Variants in C20orf203 observed in about 807,000 individuals in gnomAD.
The protein encoded by C20orf203 is uncharacterized protein C20orf203.
A neutral mutation model predicts 15.9 loss-of-function variants in C20orf203; 16 were observed. The ratio of observed to expected loss-of-function variants is 1.01; its 90% CI spans 0.68 to 1.53. The LOEUF is 1.53. Among genes scored for constraint, C20orf203 ranks in the 40% most tolerant of loss-of-function variants. The pLI is 0.00. For missense variants in C20orf203, 263 were observed against 247.5 expected, an observed-to-expected ratio of 1.06 and a Z score of -0.42; for synonymous variants, 98 against 97.2, an observed-to-expected ratio of 1.01 and a Z score of -0.05.
intron 1 of C20orf203, among the ~76,000 whole-genome samples, chr20:32,663,560 G>C (rs567331751): frequency 6.6e-6 from 1 of 152,194 alleles, no homozygotes; most frequent in African/African-American, 2.4e-5. Flanking sequence ...TACCTCCGGG[G>C]AGTGGGATGA....
intron 1 of C20orf203, among the ~76,000 whole-genome samples, chr20:32,658,441 T>C (rs1982814915): frequency 6.6e-6 from 1 of 151,372 alleles, no homozygotes; most frequent in East Asian, 1.9e-4. Flanking sequence ...AGATGTACAC[T>C]ACCATGCCCA....
chr20:32,671,892 G>A (rs1344475002), intron 1 of C20orf203, among the ~76,000 whole-genome samples: 3 of 151,372 alleles, frequency 2.0e-5, no homozygotes, highest in Non-Finnish European at 4.4e-5. Context: ...GGTTGCCAGG[G>A]GCTGAGGGGG....
At chr20:32,635,951 G>A (rs1446302260) in intron 5 of C20orf203, among the ~76,000 whole-genome samples, 7 of 152,092 alleles carry the variant, frequency 4.6e-5, no homozygotes, top group South Asian at 2.1e-4. Context: ...CTCCCATCCC[G>A]TGTACAGTGA....
chr20:32,634,450 C>T (rs893202919), intron 5 of C20orf203, among the ~76,000 whole-genome samples, 180 bp from the exon 6 acceptor site: 2 of 152,112 alleles, frequency 1.3e-5, no homozygotes, highest in African/African-American at 4.8e-5. Flanking sequence ...AGCCCAGCAC[C>T]CTCCCGAGTA....
chr20:32,665,183 T>TG (rs1413758887), intron 1 of C20orf203, among the ~76,000 whole-genome samples: 1 of 152,162 alleles, frequency 6.6e-6, no homozygotes, highest in Non-Finnish European at 1.5e-5. Flanking sequence ...TGATGGCCCG[T>TG]GGGTTCTGCT....
chr20:32,641,233 GCTGAGGTGGAAGGATCACTTGAGC>G (rs1417842005), intron 4 of C20orf203, among the ~76,000 whole-genome samples: 2 of 151,498 alleles, frequency 1.3e-5, no homozygotes, highest in Non-Finnish European at 2.9e-5. Flanking sequence ...TACTAGGGAG[GCTGAGGTGGAAGGATCACTTGAGC>G]CTGAGGGTTT....
chr20:32,663,189 C>A (rs1433972088), intron 1 of C20orf203, among the ~76,000 whole-genome samples: 2 of 151,870 alleles, frequency 1.3e-5, no homozygotes, highest in African/African-American at 4.8e-5. Flanking sequence ...ACCTTGTGAT[C>A]CACCCACCTC....
At chr20:32,664,487 C>A (rs929897578) in intron 1 of C20orf203, among the ~76,000 whole-genome samples, 1 of 152,234 alleles carries the variant, frequency 6.6e-6, no homozygotes, top group Non-Finnish European at 1.5e-5. Context: ...GTCCTGGAAG[C>A]TCCTGCCCTC....
At position 32,650,350 on chromosome 20, in the gene C20orf203, G is replaced by T; in HGVS notation, c.*82C>A. On this transcript the variant is annotated 3_prime_UTR_variant, in exon 4 of 6. Transcript: ENST00000608990. ...GGGGAGCAGAATGATTGTGGGGGGT[G>T]GTAACAGGGGACACCCTGAGGTGGT... 1.0e-6 allele frequency: 1 copy of T among 975,716 alleles called. No homozygotes were observed. The highest frequency in any genetic ancestry group is 1.5e-6 in the Non-Finnish European group (1 of 646,580). The allele number at this position is 975,716 out of a possible 1,614,324, so 60.4% of individuals were successfully genotyped here.
At chr20:32,669,781 C>A (rs1389925155) in intron 1 of C20orf203, among the ~76,000 whole-genome samples, 1 of 151,976 alleles carries the variant, frequency 6.6e-6, no homozygotes, top group Non-Finnish European at 1.5e-5. Context: ...AAAGCACAGG[C>A]AAGAAAAGCA....
intron 5 of C20orf203, among the ~76,000 whole-genome samples, chr20:32,634,993 A>T: frequency 6.6e-6 from 1 of 151,554 alleles, no homozygotes; most frequent in East Asian, 1.9e-4. Flanking sequence ...TGAGGCCAGG[A>T]ATTTGAGACC....
intron 4 of C20orf203, among the ~76,000 whole-genome samples, chr20:32,642,509 C>T (rs911033083): frequency 4.6e-5 from 7 of 152,232 alleles, no homozygotes; most frequent in Admixed American, 6.5e-5. Flanking sequence ...ACTTTTGGCG[C>T]GGCGAGAGGC....
chr20:32,659,663 CCTT>C (rs1279340882), intron 1 of C20orf203, among the ~76,000 whole-genome samples: 3 of 152,188 alleles, frequency 2.0e-5, no homozygotes, highest in Admixed American at 6.5e-5. Context: ...AGGAAGGGTG[CCTT>C]CCCTCATTTC....
At chr20:32,673,063 T>C (rs2145685679) in intron 1 of C20orf203, among the ~76,000 whole-genome samples, 1 of 152,064 alleles carries the variant, frequency 6.6e-6, no homozygotes, top group African/African-American at 2.4e-5. Flanking sequence ...GACCCAAGAC[T>C]CCTTGGTAGT....
Position 32,633,467 on chromosome 20 carries a change from C to T in C20orf203, c.*2103G>A, listed in dbSNP as rs1982055413. 6.6e-6 allele frequency: 1 copy of T among 152,242 alleles called. No individual in the cohort carries two copies. The highest frequency in any genetic ancestry group is 2.1e-4 in the South Asian group (1 of 4,828). 9.4% of individuals were successfully genotyped at this position (152,242 alleles called of 1,614,324 possible). ...ACAGATAGAACTTGTGACAGGCGAA[C>T]TGGGGTCAGATCTCAGCAGCAGGGC... is the stretch of plus-strand genomic sequence containing the variant. On this transcript the variant is annotated 3_prime_UTR_variant, in exon 6 of 6. Coordinates refer to ENST00000608990, the MANE Select transcript of C20orf203 (RefSeq NM_182584.4).
chr20:32,636,216 T>C (rs1982134851), intron 5 of C20orf203, among the ~76,000 whole-genome samples: 1 of 152,230 alleles, frequency 6.6e-6, no homozygotes, highest in Non-Finnish European at 1.5e-5. Flanking sequence ...TTTATTTCTA[T>C]TTGTTTCCCG....
intron 1 of C20orf203, among the ~76,000 whole-genome samples, chr20:32,653,570 G>A (rs1357561152): frequency 6.6e-6 from 1 of 152,130 alleles, no homozygotes; most frequent in Non-Finnish European, 1.5e-5. Flanking sequence ...CAATCTTTCG[G>A]GGAGTTCTAA....
At chr20:32,662,956 T>TTTG (rs1312620555) in intron 1 of C20orf203, among the ~76,000 whole-genome samples, 1 of 148,744 alleles carries the variant, frequency 6.7e-6, no homozygotes, top group African/African-American at 2.5e-5. Context: ...AATATAGTTT[T>TTTG]TTTTTTTTTT....
At chr20:32,638,470 C>T (rs1365090302) in intron 5 of C20orf203, among the ~76,000 whole-genome samples, 1 of 152,156 alleles carries the variant, frequency 6.6e-6, no homozygotes, top group Admixed American at 6.5e-5. Context: ...GAGGTGAAGT[C>T]ACTTGCCCAG....
Sources: gnomAD v4.1 joint callset for allele counts (sites outside exome capture counted in the v4.1 genomes callset) on GRCh38, gnomAD v4.1.1 for gene constraint, MANE v1.5 for transcripts, NCBI Gene and HGNC (gene_info 2026-07-23, HGNC 2026-07-21) for gene names.